Variants in TMEM163 observed in about 807,000 individuals in gnomAD.
TMEM163 encodes the protein transmembrane protein 163.
TMEM163 carries 17 observed loss-of-function variants against 29.3 expected under a neutral mutation model. The ratio of observed to expected loss-of-function variants is 0.58; its 90% CI spans 0.40 to 0.87. The LOEUF is 0.87. Ranked by LOEUF, TMEM163 falls within the 40% of genes least tolerant of loss-of-function variation. The pLI is 0.00. For synonymous variants in TMEM163, 157 were observed against 160.6 expected, an observed-to-expected ratio of 0.98 and a Z score of 0.17; for missense variants, 303 against 381.5, an observed-to-expected ratio of 0.79 and a Z score of 1.71.
intron 2 of TMEM163, among the ~76,000 whole-genome samples, chr2:134,620,669 T>C (rs1024655269): frequency 2.6e-5 from 4 of 152,232 alleles, no homozygotes; most frequent in African/African-American, 9.6e-5. Flanking sequence ...GGAAAAATCT[T>C]TCATTTATGG....
At chr2:134,596,037 A>G (rs1682072707) in intron 2 of TMEM163, among the ~76,000 whole-genome samples, 1 of 152,204 alleles carries the variant, frequency 6.6e-6, no homozygotes, top group Non-Finnish European at 1.5e-5. Context: ...AGTAGATTGC[A>G]AAAATCTTCT....
chr2:134,580,774 G>A (rs921884134), intron 2 of TMEM163, among the ~76,000 whole-genome samples: 4 of 152,160 alleles, frequency 2.6e-5, no homozygotes, highest in South Asian at 2.1e-4. Flanking sequence ...TTAGCCGAGA[G>A]TGATGGTGCA....
intron 4 of TMEM163, among the ~76,000 whole-genome samples, chr2:134,509,618 A>T (rs1679904410): frequency 2.0e-5 from 3 of 152,220 alleles, no homozygotes; most frequent in African/African-American, 7.2e-5. Flanking sequence ...CTCACATTTT[A>T]AGTTCTACAT....
intron 2 of TMEM163, among the ~76,000 whole-genome samples, chr2:134,556,873 GA>G (rs1406904564): frequency 3.3e-5 from 5 of 152,168 alleles, no homozygotes; most frequent in African/African-American, 1.2e-4. Flanking sequence ...TAGCATATTA[GA>G]AAGAACAATG....
rs1463166151 is a variant in TMEM163 at position 134,718,819 on chromosome 2, CG to C, written c.116del (p.Pro39ArgfsTer32). The C allele has an allele frequency of 8.8e-7, 1 of 1,135,716 alleles. No homozygotes were observed. Among genetic ancestry groups the C allele is most frequent in the Non-Finnish European group, 1.1e-6 (1 of 926,762 alleles). 70.4% of individuals were successfully genotyped at this position (1,135,716 alleles called of 1,614,324 possible). A position where few individuals can be genotyped will look rare whatever the true frequency, so the allele number is the denominator to read the frequency against. ...CCTCCAGCTGGGGCGGCTCGCGCAC[CG>C]GGGAGCTCAGCGGGGCCGGGCCGGG... Reference protein sequence around the residue: ...AAPGPAPLSSPVREPPQLEEE... With the variant: ...AAPGPAPLSSXVREPPQLEEE... On this transcript the variant is annotated frameshift_variant, in exon 1 of 8. Transcript: ENST00000281924. LOFTEE classifies it high-confidence loss of function.
At chr2:134,548,340 T>C (rs1187037854) in intron 4 of TMEM163, among the ~76,000 whole-genome samples, 5 of 152,218 alleles carry the variant, frequency 3.3e-5, no homozygotes, top group Non-Finnish European at 7.3e-5. Flanking sequence ...TAGGATTTAG[T>C]GTGTATTTTA....
chr2:134,464,606 G>C (rs963398259), intron 6 of TMEM163, among the ~76,000 whole-genome samples: 5 of 152,160 alleles, frequency 3.3e-5, no homozygotes, highest in African/African-American at 1.2e-4. Context: ...TGGGTGAAAA[G>C]CTGGGGGCGT....
chr2:134,549,815 TAC>T (rs771669246), intron 4 of TMEM163, among the ~76,000 whole-genome samples: 92 of 152,218 alleles, frequency 6.0e-4, no homozygotes, highest in African/African-American at 2.1e-3. Context: ...CACATATACA[TAC>T]ACATATTAGC....
At chr2:134,698,238 G>T (rs1375589885) in intron 2 of TMEM163, among the ~76,000 whole-genome samples, 5 of 152,184 alleles carry the variant, frequency 3.3e-5, no homozygotes, top group Admixed American at 1.3e-4. Flanking sequence ...GGGAAGGGAG[G>T]GGGTGCAAAA....
At chr2:134,602,296 G>T (rs1157507973) in intron 2 of TMEM163, among the ~76,000 whole-genome samples, 1 of 152,160 alleles carries the variant, frequency 6.6e-6, no homozygotes, top group Non-Finnish European at 1.5e-5. Context: ...ACATCGTTCT[G>T]GTTAATTACA....
chr2:134,508,530 G>A (rs1679877583), intron 4 of TMEM163, among the ~76,000 whole-genome samples: 1 of 152,170 alleles, frequency 6.6e-6, no homozygotes, highest in African/African-American at 2.4e-5. Context: ...AGCCACAGAG[G>A]AAGCTCATCT....
chr2:134,474,091 C>T (rs1230096670), intron 5 of TMEM163, among the ~76,000 whole-genome samples: 8 of 152,180 alleles, frequency 5.3e-5, no homozygotes, highest in Admixed American at 5.2e-4. Flanking sequence ...TCTCATGAAT[C>T]AGACTTAAAA....
intron 2 of TMEM163, among the ~76,000 whole-genome samples, chr2:134,704,861 C>G (rs914808548): frequency 2.0e-5 from 3 of 152,152 alleles, no homozygotes; most frequent in African/African-American, 4.8e-5. Context: ...TTTCCTCTAT[C>G]TGCTTGGTGC....
intron 2 of TMEM163, among the ~76,000 whole-genome samples, chr2:134,642,850 G>T (rs1245777614): frequency 6.6e-6 from 1 of 151,966 alleles, no homozygotes; most frequent in African/African-American, 2.4e-5. Context: ...AAATTTGTGG[G>T]ATACAGACAA....
At chr2:134,698,233 G>T (rs1342815172) in intron 2 of TMEM163, among the ~76,000 whole-genome samples, 1 of 152,214 alleles carries the variant, frequency 6.6e-6, no homozygotes, top group Non-Finnish European at 1.5e-5. Flanking sequence ...CTCCAGGGAA[G>T]GGAGGGGGTG....
chr2:134,599,811 G>A (rs1682185399), intron 2 of TMEM163, among the ~76,000 whole-genome samples: 1 of 151,406 alleles, frequency 6.6e-6, no homozygotes, highest in Non-Finnish European at 1.5e-5. Context: ...GAGATTACAG[G>A]CATAAGCCAC....
At chr2:134,644,544 T>C (rs1326187718) in intron 2 of TMEM163, among the ~76,000 whole-genome samples, 1 of 152,186 alleles carries the variant, frequency 6.6e-6, no homozygotes, top group Non-Finnish European at 1.5e-5. Context: ...CAAACATTCA[T>C]ATGCAAAAAA....
intron 2 of TMEM163, among the ~76,000 whole-genome samples, chr2:134,707,488 A>G (rs750785931): frequency 6.6e-6 from 1 of 152,192 alleles, no homozygotes; most frequent in Non-Finnish European, 1.5e-5. Flanking sequence ...TGCTTTTTTC[A>G]GTAAAATAAA....
At chr2:134,667,294 C>T (rs1233066465) in intron 2 of TMEM163, among the ~76,000 whole-genome samples, 1 of 152,200 alleles carries the variant, frequency 6.6e-6, no homozygotes, top group Admixed American at 6.5e-5. Context: ...CGCAGCCTTC[C>T]TTGCAGCCAG....
Sources: gnomAD v4.1 joint callset for allele counts (sites outside exome capture counted in the v4.1 genomes callset) on GRCh38, gnomAD v4.1.1 for gene constraint, MANE v1.5 for transcripts, NCBI Gene and HGNC (gene_info 2026-07-23, HGNC 2026-07-21) for gene names.